The following TSPAN15 variants were observed in gnomAD, a reference collection of about 807,000 sequenced individuals.
TSPAN15 encodes the protein tetraspanin 15.
TSPAN15 carries 20 observed loss-of-function variants against 34.5 expected under a neutral mutation model. The ratio of observed to expected loss-of-function variants is 0.58; its 90% CI spans 0.41 to 0.84. The LOEUF (loss-of-function observed/expected upper bound fraction) is 0.84. Ranked by LOEUF, TSPAN15 falls within the 40% of genes least tolerant of loss-of-function variation. The pLI is 0.00. For missense variants in TSPAN15, 313 were observed against 386.1 expected (o/e 0.81, Z 1.59); for synonymous variants, 155 against 153.9 (o/e 1.01, Z -0.05).
intron 1 of TSPAN15, among the ~76,000 whole-genome samples, chr10:69,466,885 G>C (rs981544762): frequency 1.3e-5 from 2 of 152,326 alleles, no homozygotes; most frequent in Non-Finnish European, 2.9e-5. Context: ...TGTCACAGTG[G>C]AGAGGCAGTT....
chr10:69,504,014 C>T (rs1229756779), intron 5 of TSPAN15, among the ~76,000 whole-genome samples: 2 of 152,240 alleles, frequency 1.3e-5, no homozygotes, highest in African/African-American at 4.8e-5. Context: ...AGGTAAACCA[C>T]AGCTGACCCT....
chr10:69,507,153 G>T lies in TSPAN15; in HGVS notation c.*175G>T. ...GGCCTCTGCCTCCCCAGGGAGCAGA[G>T]CCTGGGCCTCCCCTAAGAGGCTTTC... is the stretch of plus-strand genomic sequence containing the variant. On this transcript the variant is annotated 3_prime_UTR_variant, in exon 8 of 8. Transcript: ENST00000373290. 1.4e-6 allele frequency: 2 copies of T among 1,437,496 alleles called. No individual in the cohort carries two copies. 89.0% of individuals were successfully genotyped at this position (1,437,496 alleles called of 1,614,324 possible). A position where few individuals can be genotyped will look rare whatever the true frequency, so the allele number is the denominator to read the frequency against.
chr10:69,491,639 A>G (rs992296606), intron 3 of TSPAN15, among the ~76,000 whole-genome samples: 7 of 152,072 alleles, frequency 4.6e-5, no homozygotes. Flanking sequence ...CTGGGATTAT[A>G]GGCAGGGACC....
At chr10:69,508,440 C>CAAAAA (rs71009229), downstream of TSPAN15, among the ~76,000 whole-genome samples, 106 of 62,136 alleles carry the variant, frequency 1.7e-3, no homozygotes, top group African/African-American at 1.9e-3. Context: ...GACTCCATCT[C>CAAAAA]AAAAAAAAAA....
At chr10:69,487,690 C>T (rs2133121290) in intron 3 of TSPAN15, among the ~76,000 whole-genome samples, 1 of 152,326 alleles carries the variant, frequency 6.6e-6, no homozygotes, top group Admixed American at 6.5e-5. Context: ...TTTTCCAGTG[C>T]CCTGTAGGTC....
chr10:69,541,961 G>A, the TSPAN15 span, among the ~76,000 whole-genome samples: 3 of 152,268 alleles, frequency 2.0e-5, no homozygotes, highest in East Asian at 1.9e-4. Context: ...ATTAACATTC[G>A]GTTCCTCGTT....
rs553060175 is a variant in TSPAN15, at chr10:69,506,051, A to G, written c.619-73A>G. ...AGGGACTAGCCTGGACCTTGTGTAC[A>G]TGGCAGAGTCGGGGCTGTGGCTCCT... On this transcript the variant is annotated intron_variant, in intron 6 of 7. Transcript: ENST00000373290. The surrounding 1 kb of genome is among the most constrained non-coding windows in gnomAD (Gnocchi z 4.7). 24 of 1,288,276 alleles carry G rather than the reference A, an allele frequency of 1.9e-5. No individual in the cohort carries two copies. Among genetic ancestry groups the G allele is most frequent in the Admixed American group, 5.3e-5 (3 of 57,010 alleles). The allele number at this position is 1,288,276 out of a possible 1,614,324, so 79.8% of individuals were successfully genotyped here.
chr10:69,546,865 C>T, the TSPAN15 span, among the ~76,000 whole-genome samples: 30 of 152,178 alleles, frequency 2.0e-4, no homozygotes, highest in Admixed American at 1.4e-3. Context: ...TCTGTGAGGC[C>T]GGGCACAGTG....
At chr10:69,495,714 G>A in intron 4 of TSPAN15, 25 bp downstream of exon 4, 2 of 1,523,472 alleles carry the variant, frequency 1.3e-6, no homozygotes, top group East Asian at 2.3e-5. Context: ...TTGGGGTAGA[G>A]ATGCGCCTCC....
chr10:69,466,914 G>A (rs947672575), intron 1 of TSPAN15, among the ~76,000 whole-genome samples: 1 of 152,208 alleles, frequency 6.6e-6, no homozygotes, highest in African/African-American at 2.4e-5. Context: ...GAGGGAGATG[G>A]TCTGGCCAGC....
At chr10:69,546,237 T>C in the TSPAN15 span, among the ~76,000 whole-genome samples, 2 of 152,214 alleles carry the variant, frequency 1.3e-5, no homozygotes, top group Non-Finnish European at 2.9e-5. Context: ...GCCAGGGCAG[T>C]GTGTGTATGC....
chr10:69,510,829 A>T (rs1052890030), downstream of TSPAN15, among the ~76,000 whole-genome samples: 2 of 152,166 alleles, frequency 1.3e-5, no homozygotes, highest in Non-Finnish European at 2.9e-5. Flanking sequence ...ATCTATTGAG[A>T]TAATCATGTG....
the TSPAN15 span, among the ~76,000 whole-genome samples, chr10:69,521,117 G>A: frequency 6.6e-6 from 1 of 152,138 alleles, no homozygotes; most frequent in South Asian, 2.1e-4. Context: ...GTGTGTTGCA[G>A]AAGAGATTAG....
In TSPAN15 at chr10:69,507,260, G is replaced by C. The variant is rs980512552; in HGVS notation, c.*282G>C. On this transcript the variant is annotated 3_prime_UTR_variant, in exon 8 of 8. Coordinates refer to ENST00000373290, the MANE Select transcript of TSPAN15 (RefSeq NM_012339.5). ...TTCTCCAGGCCTGGGCTACGGGGGAGGGAGAGCCTGAGGCTCTGCTCAGGG... is the reference window on the plus strand; with the variant it reads ...TTCTCCAGGCCTGGGCTACGGGGGACGGAGAGCCTGAGGCTCTGCTCAGGG... 3 of 1,342,992 alleles carry C rather than the reference G, an allele frequency of 2.2e-6. No homozygotes were observed. The African/African-American group carries it at 4.4e-5, about 20-fold the overall frequency. The allele number at this position is 1,342,992 out of a possible 1,614,324, so 83.2% of individuals were successfully genotyped here.
intron 1 of TSPAN15, among the ~76,000 whole-genome samples, chr10:69,478,003 G>C (rs1290944813): frequency 6.6e-6 from 1 of 152,152 alleles, no homozygotes; most frequent in Non-Finnish European, 1.5e-5. Flanking sequence ...TGAAAAATGA[G>C]GCCCACAAGC....
chr10:69,525,261 T>C, the TSPAN15 span, among the ~76,000 whole-genome samples: 3 of 147,864 alleles, frequency 2.0e-5, 1 homozygote, highest in Admixed American at 2.1e-4. Flanking sequence ...AATTTAAAAT[T>C]ATCAACAAAA....
the TSPAN15 span, among the ~76,000 whole-genome samples, chr10:69,537,112 A>T: frequency 6.6e-6 from 1 of 152,064 alleles, no homozygotes; most frequent in Non-Finnish European, 1.5e-5. Flanking sequence ...TAGGGTTTCA[A>T]CATATTAATT....
intron 1 of TSPAN15, among the ~76,000 whole-genome samples, chr10:69,482,238 A>G (rs1234393198): frequency 6.6e-6 from 1 of 152,228 alleles, no homozygotes; most frequent in East Asian, 1.9e-4. Flanking sequence ...CTGAGCAAAG[A>G]AGAGAAGGAG....
rs35349311 is a variant in TSPAN15, at chr10:69,482,223, G to A, written c.97-1468G>A. Among the ~76,000 whole-genome samples the A allele has an allele frequency of 8.0e-3, 1,219 of 152,342 alleles. 10 individuals carry two copies. The highest frequency in any genetic ancestry group is 0.014 in the Non-Finnish European group (963 of 68,024). On this transcript the variant is annotated intron_variant, in intron 1 of 7. Transcript: ENST00000373290. Reference sequence around the variant, plus strand: ...CCCTGAAGGGCCTCCCTTTGCAGGCGGCAACTGAGCAAAGAAGAGAAGGAG... The same window carrying A: ...CCCTGAAGGGCCTCCCTTTGCAGGCAGCAACTGAGCAAAGAAGAGAAGGAG...
Sources: allele counts gnomAD v4.1 joint callset (sites outside exome capture counted in the v4.1 genomes callset), GRCh38; gene constraint gnomAD v4.1.1; non-coding constraint Gnocchi (gnomAD v3.1); transcripts MANE v1.5; gene names NCBI Gene and HGNC (gene_info 2026-07-23, HGNC 2026-07-21).